The following DDC variants were observed in gnomAD, a reference collection of about 807,000 sequenced individuals.
DDC encodes aromatic-L-amino-acid decarboxylase.
In DDC, 43 loss-of-function variants were observed where a neutral mutation model predicts 60.0. The observed-to-expected ratio is 0.72, with a 90% CI of 0.56 to 0.92. The LOEUF (loss-of-function observed/expected upper bound fraction) is 0.92, where lower values mean the gene tolerates loss of function less well. DDC is among the 40% of genes least tolerant of loss of function. The pLI, the probability that DDC is intolerant of heterozygous loss-of-function variation, is 0.00. For synonymous variants in DDC, 232 were observed against 234.6 expected (o/e 0.99, Z 0.10); for missense variants, 573 against 620.2 (o/e 0.92, Z 0.81).
intron 4 of DDC, among the ~76,000 whole-genome samples, chr7:50,534,670 G>T (rs559220594): frequency 6.6e-6 from 1 of 152,054 alleles, no homozygotes; most frequent in African/African-American, 2.4e-5. Context: ...ACCTTGTCCC[G>T]TGTATAAAAC....
chr7:50,529,252 G>C lies in DDC; in HGVS notation c.526C>G (p.Gln176Glu), dbSNP rs773004040. 6.2e-7 allele frequency: 1 copy of C among 1,613,974 alleles called. No homozygotes were observed. Among genetic ancestry groups the C allele is most frequent in the Non-Finnish European group, 8.5e-7 (1 of 1,180,050 alleles). ...ACCAGCTTCTCCATGATAGCGGCCT[G>C]TGTGAGCTCTGGGGACGCTGCCTGC... Reference protein sequence around the residue: ...RLQAASPELTQAAIMEKLVAY... With the variant: ...RLQAASPELTEAAIMEKLVAY... The change falls in exon 5 of 15, where the codon CAG becomes GAG. Residue 176 changes from glutamine (Q) to glutamate (E), a missense_variant. Transcript: ENST00000444124.
intron 6 of DDC, among the ~76,000 whole-genome samples, chr7:50,506,484 C>T (rs1232847264): frequency 6.6e-6 from 1 of 151,932 alleles, no homozygotes; most frequent in Non-Finnish European, 1.5e-5. Context: ...CACATGTACC[C>T]TAGAACTTAT....
chr7:50,537,310 G>A (rs2153548292), intron 4 of DDC, among the ~76,000 whole-genome samples: 1 of 152,320 alleles, frequency 6.6e-6, no homozygotes, highest in African/African-American at 2.4e-5. Context: ...TCTGCCACCT[G>A]TGCTGTCCTC....
chr7:50,511,715 C>T (rs140714443), intron 6 of DDC, among the ~76,000 whole-genome samples: 47 of 151,244 alleles, frequency 3.1e-4, no homozygotes, highest in African/African-American at 1.0e-3. Flanking sequence ...GGCGACAGAG[C>T]GAGACTCCAT....
At chr7:50,526,469 A>G (rs1410958533) in intron 6 of DDC, among the ~76,000 whole-genome samples, 1 of 152,228 alleles carries the variant, frequency 6.6e-6, no homozygotes, top group Non-Finnish European at 1.5e-5. Context: ...AAAAGAAAAG[A>G]TGCCGAATGG....
intron 13 of DDC, among the ~76,000 whole-genome samples, chr7:50,463,827 C>T (rs114728555): frequency 1.1e-4 from 16 of 152,242 alleles, no homozygotes; most frequent in African/African-American, 3.9e-4. Flanking sequence ...GTCTCAGCAA[C>T]CTAGAAAATG....
chr7:50,501,166 G>A (rs2043244813), intron 7 of DDC, among the ~76,000 whole-genome samples: 1 of 152,224 alleles, frequency 6.6e-6, no homozygotes, highest in African/African-American at 2.4e-5. Context: ...TGCTGTCAGT[G>A]ACTCTTTCCT....
At position 50,528,136 on chromosome 7, in the gene DDC, C is replaced by A. The variant is rs538765925; in HGVS notation, c.714+1G>T. On this transcript the variant is annotated splice_donor_variant, in intron 6 of 14. Coordinates refer to ENST00000444124, the MANE Select transcript of DDC (RefSeq NM_001082971.2). LOFTEE classifies it high-confidence loss of function. ...GGAGCCACAAGTGCTGCCGAACTTA[C>A]AAAGAAAGGAATCAGGCCAGCCGCT... The A allele has an allele frequency of 6.2e-7, 1 of 1,612,544 alleles. No individual in the cohort carries two copies. Among genetic ancestry groups the A allele is most frequent in the East Asian group, 2.2e-5 (1 of 44,864 alleles).
At chr7:50,498,873 T>G (rs576335612) in intron 8 of DDC, among the ~76,000 whole-genome samples, 1 of 152,384 alleles carries the variant, frequency 6.6e-6, no homozygotes, top group South Asian at 2.1e-4. Flanking sequence ...TGTTCCTACT[T>G]TCCCACAGTT....
intron 9 of DDC, among the ~76,000 whole-genome samples, chr7:50,493,650 T>C (rs929691009): frequency 2.0e-5 from 3 of 152,148 alleles, no homozygotes; most frequent in African/African-American, 7.2e-5. Context: ...ATACTCACAT[T>C]CATAACGGCC....
intron 10 of DDC, among the ~76,000 whole-genome samples, chr7:50,478,597 G>A (rs769597455): frequency 6.6e-6 from 1 of 152,200 alleles, no homozygotes; most frequent in Admixed American, 6.5e-5. Context: ...TTATGGACGA[G>A]TAAAGAACTG....
At chr7:50,486,348 T>C (rs2153537427) in intron 9 of DDC, among the ~76,000 whole-genome samples, 1 of 152,318 alleles carries the variant, frequency 6.6e-6, no homozygotes, top group South Asian at 2.1e-4. Context: ...GTGAAGACTA[T>C]CCACTGTGGA....
intron 5 of DDC, 81 bp downstream of exon 5, chr7:50,529,127 T>TGTTTG (rs1388349786): frequency 1.6e-5 from 25 of 1,568,100 alleles, no homozygotes; most frequent in African/African-American, 1.4e-4. Flanking sequence ...GGAAGGATGC[T>TGTTTG]GTTTGGTTTG....
intron 11 of DDC, among the ~76,000 whole-genome samples, chr7:50,475,474 C>T (rs973488033): frequency 3.9e-5 from 6 of 152,038 alleles, no homozygotes; most frequent in Admixed American, 1.3e-4. Flanking sequence ...GCCTTGATGG[C>T]TTGGGAAGGT....
At chr7:50,509,747 G>A (rs1421116176) in intron 6 of DDC, among the ~76,000 whole-genome samples, 2 of 152,180 alleles carry the variant, frequency 1.3e-5, no homozygotes, top group Non-Finnish European at 1.5e-5. Context: ...TTCAGTAGAA[G>A]TCACTATTTT....
At chr7:50,492,854 T>A in intron 9 of DDC, 1 of 1,560,770 alleles carries the variant, frequency 6.4e-7, no homozygotes, top group Non-Finnish European at 8.6e-7. Flanking sequence ...AGCCGCCAAC[T>A]TGCTGGCATC....
chr7:50,531,624 CT>C (rs976820239), intron 4 of DDC: 1 of 151,928 alleles, frequency 6.6e-6, no homozygotes, highest in African/African-American at 2.4e-5. Context: ...GAAAATTCAC[CT>C]TCTTAAGTCA....
chr7:50,544,169 G>T, intron 1 of DDC, 56 bp from the exon 2 acceptor site: 2 of 1,372,750 alleles, frequency 1.5e-6, no homozygotes, highest in Non-Finnish European at 1.0e-6. Context: ...ACTGGAAGGC[G>T]GGGATACCAA....
intron 1 of DDC, among the ~76,000 whole-genome samples, chr7:50,554,931 C>G (rs946653994): frequency 1.3e-5 from 2 of 152,170 alleles, no homozygotes; most frequent in African/African-American, 4.8e-5. Flanking sequence ...AGGGTGGACT[C>G]TGGATCCAGA....
Sources: gnomAD v4.1 joint callset for allele counts (sites outside exome capture counted in the v4.1 genomes callset) on GRCh38, gnomAD v4.1.1 for gene constraint, MANE v1.5 for transcripts, NCBI Gene and HGNC (gene_info 2026-07-23, HGNC 2026-07-21) for gene names.